MINAR1: variants seen among roughly 807,000 people sequenced by gnomAD.
MINAR1 encodes the protein major intrinsically disordered Notch2-binding receptor 1.
Under a neutral mutation model 65.1 loss-of-function variants are expected in MINAR1, and 40 were observed. The ratio of observed to expected loss-of-function variants is 0.61; its 90% CI spans 0.48 to 0.80. MINAR1 has a LOEUF of 0.80. Ranked by LOEUF, MINAR1 falls within the 30% of genes least tolerant of loss-of-function variation. The probability of loss-of-function intolerance (pLI) is 0.00; values close to 1 mark genes in which losing one functional copy is unlikely to be tolerated. For synonymous variants in MINAR1, 482 were observed against 449.1 expected (o/e 1.07, Z -0.93); for missense variants, 1,128 against 1,148.0 (o/e 0.98, Z 0.25).
chr15:79,420,873 A>T, the MINAR1 span: 2 of 152,340 alleles, frequency 1.3e-5, no homozygotes, highest in African/African-American at 4.8e-5. Context: ...TTGCTCTTGC[A>T]CTAGAGTACG....
In MINAR1 at chr15:79,457,783, G is replaced by A. The variant is rs1236005622; in HGVS notation, c.1636G>A (p.Gly546Arg). Reference sequence around the variant, plus strand: ...ACAGTCGTCCTGCTACAACAGCACAGGATCCTTGTCTCAGCTCCATAAGTC... The same window carrying A: ...ACAGTCGTCCTGCTACAACAGCACAAGATCCTTGTCTCAGCTCCATAAGTC... Reference protein sequence around the residue: ...VIQSSCYNSTGSLSQLHKSDC... With the variant: ...VIQSSCYNSTRSLSQLHKSDC... Residue 546 changes from glycine (G) to arginine (R), a missense_variant, in exon 2 of 4, where the codon GGA (glycine) becomes AGA (arginine). Coordinates refer to ENST00000305428, the MANE Select transcript of MINAR1 (RefSeq NM_015206.3). 2 of 1,614,032 alleles carry A rather than the reference G, an allele frequency of 1.2e-6. No homozygotes were observed. Among genetic ancestry groups the A allele is most frequent in the East Asian group, 2.2e-5 (1 of 44,890 alleles).
chr15:79,445,086 T>C (rs1894977482), intron 1 of MINAR1, among the ~76,000 whole-genome samples: 1 of 152,082 alleles, frequency 6.6e-6, no homozygotes, highest in Admixed American at 6.5e-5. Context: ...ATGTTCAGGA[T>C]TATTTTCCTG....
chr15:79,442,900 TTTTG>T (rs2141281641), intron 1 of MINAR1, among the ~76,000 whole-genome samples: 1 of 152,250 alleles, frequency 6.6e-6, no homozygotes, highest in South Asian at 2.1e-4. Context: ...AGTGTTTGTT[TTTTG>T]TTTGTTTTTA....
At chr15:79,461,197 A>C (rs1281364598) in intron 2 of MINAR1, among the ~76,000 whole-genome samples, 3 of 152,260 alleles carry the variant, frequency 2.0e-5, no homozygotes, top group Non-Finnish European at 4.4e-5. Context: ...CATGGGCAGC[A>C]ATGAAACTTT....
intron 2 of MINAR1, 105 bp from the exon 3 acceptor site, chr15:79,462,962 T>C: frequency 2.3e-6 from 3 of 1,304,114 alleles, no homozygotes; most frequent in Non-Finnish European, 3.2e-6. Context: ...GTAACTGCAC[T>C]TTGCTACCTG....
chr15:79,445,172 A>T (rs952835542), intron 1 of MINAR1, among the ~76,000 whole-genome samples: 1 of 151,936 alleles, frequency 6.6e-6, no homozygotes, highest in Admixed American at 6.5e-5. Context: ...TATCTTTATT[A>T]TTTATGTTAA....
At chr15:79,431,717 C>T (rs1022290286), upstream of MINAR1, among the ~76,000 whole-genome samples, 1 of 152,244 alleles carries the variant, frequency 6.6e-6, no homozygotes, top group East Asian at 1.9e-4. Context: ...CTGCTTGCCA[C>T]TGGGGGCCGC....
chr15:79,446,669 A>G (rs1895031050), intron 1 of MINAR1, among the ~76,000 whole-genome samples: 1 of 151,918 alleles, frequency 6.6e-6, no homozygotes, highest in Non-Finnish European at 1.5e-5. Context: ...TCTAAGGGTG[A>G]GTTCATTATT....
intron 3 of MINAR1, among the ~76,000 whole-genome samples, chr15:79,466,668 A>G (rs1750768738): frequency 6.6e-6 from 1 of 152,252 alleles, no homozygotes; most frequent in Non-Finnish European, 1.5e-5. Context: ...TATGAGCAAC[A>G]GGTAGATAAT....
In MINAR1 at chr15:79,458,387, A is replaced by G; in HGVS notation, c.2240A>G (p.Glu747Gly). 2 of 1,614,198 alleles carry G rather than the reference A, an allele frequency of 1.2e-6. No individual in the cohort carries two copies. Among genetic ancestry groups the G allele is most frequent in the Non-Finnish European group, 1.7e-6 (2 of 1,180,024 alleles). The change falls in exon 2 of 4, where the codon GAG becomes GGG. Residue 747 changes from glutamate to glycine, a missense_variant. Transcript: ENST00000305428. Reference sequence around the variant, plus strand: ...ACCAACCGTGTGGGCCTCAATGAGGAGGAGATAAAAGACACAGGCCCAGGA... The same window carrying G: ...ACCAACCGTGTGGGCCTCAATGAGGGGGAGATAAAAGACACAGGCCCAGGA... ...TYTNRVGLNE[E>G]EIKDTGPGDN...
chr15:79,440,328 C>T (rs1894835579), intron 1 of MINAR1, among the ~76,000 whole-genome samples: 1 of 152,102 alleles, frequency 6.6e-6, no homozygotes, highest in Non-Finnish European at 1.5e-5. Flanking sequence ...CTCCATCAAC[C>T]CAAAAGATGC....
rs1359473058 is a variant in MINAR1 at position 79,471,973 on chromosome 15, A to C, written c.*3589A>C. Reference sequence around the variant, plus strand: ...AAAGGGTATTCAATATTTATTAAGTAACAATGAGAAATGCAACAAACTTCC... The same window carrying C: ...AAAGGGTATTCAATATTTATTAAGTCACAATGAGAAATGCAACAAACTTCC... On this transcript the variant is annotated 3_prime_UTR_variant, in exon 4 of 4. Transcript: ENST00000305428. The C allele has an allele frequency of 2.0e-5, 3 of 152,652 alleles. No homozygotes were observed. The highest frequency in any genetic ancestry group is 4.4e-5 in the Non-Finnish European group (3 of 68,040). 9.5% of individuals were successfully genotyped at this position (152,652 alleles called of 1,614,324 possible). A position where few individuals can be genotyped will look rare whatever the true frequency, so the allele number is the denominator to read the frequency against.
rs1378626400 is a variant in MINAR1 at position 79,463,164 on chromosome 15, C to T, written c.2396C>T (p.Pro799Leu). The change falls in exon 3 of 4, where the codon CCT (proline) becomes CTT (leucine). Residue 799 changes from proline to leucine, a missense_variant. Coordinates refer to ENST00000305428, the MANE Select transcript of MINAR1 (RefSeq NM_015206.3). ...CAGGTGTTCAGCCCTCACCCCTACC[C>T]TGCCTCCCTCAAGGCCCACATGAAG... is the stretch of plus-strand genomic sequence containing the variant. ...VEQVFSPHPYPASLKAHMKSN... is the reference protein window; with the variant it reads ...VEQVFSPHPYLASLKAHMKSN... The T allele has an allele frequency of 2.5e-6, 4 of 1,614,126 alleles. No homozygotes were observed. In the African/African-American group the frequency reaches 5.3e-5, roughly 22 times the overall value.
rs777934821 is a variant in MINAR1, at chr15:79,468,190, C to A, written c.2557C>A (p.Gln853Lys). 3 of 1,612,838 alleles carry A rather than the reference C, an allele frequency of 1.9e-6. No homozygotes were observed. Among genetic ancestry groups the A allele is most frequent in the Non-Finnish European group, 2.5e-6 (3 of 1,179,028 alleles). The change falls in exon 4 of 4, where the codon CAA (glutamine) becomes AAA (lysine). Residue 853 changes from glutamine (Q) to lysine (K), a missense_variant. Transcript: ENST00000305428. The part of the protein sequence containing the change: ...GKLTALDLQT[Q>K]ESLNPNNLEY... The stretch of plus-strand genomic sequence containing the variant: ...AACATCTTCTCTTCGCTTTTAGACG[C>A]AAGAATCTTTAAACCCAAATAATTT...
chr15:79,447,194 A>G (rs924726064), intron 1 of MINAR1, among the ~76,000 whole-genome samples: 6 of 152,110 alleles, frequency 3.9e-5, no homozygotes, highest in African/African-American at 1.4e-4. Flanking sequence ...GGCCAGTTTC[A>G]TGTCTTTTAT....
intron 1 of MINAR1, among the ~76,000 whole-genome samples, chr15:79,454,092 A>C (rs1370065009): frequency 2.0e-5 from 3 of 152,198 alleles, no homozygotes; most frequent in Non-Finnish European, 4.4e-5. Flanking sequence ...CCCCACCTTT[A>C]ACAAGCCAGA....
At chr15:79,450,155 G>A (rs2141286724) in intron 1 of MINAR1, among the ~76,000 whole-genome samples, 1 of 152,308 alleles carries the variant, frequency 6.6e-6, no homozygotes, top group East Asian at 1.9e-4. Flanking sequence ...AGCTCTACAT[G>A]TGCCTTTGAA....
chr15:79,458,156 C>G lies in MINAR1; in HGVS notation c.2009C>G (p.Ser670Cys). ...CGGATGTTCCACGCACACAGTGGCT[C>G]CCACGGACCCAAACTAGAGAACAAC... ...SPRMFHAHSG[S>C]HGPKLENNPD... The change falls in exon 2 of 4, where the codon TCC becomes TGC. Residue 670 changes from serine to cysteine, a missense_variant. By Grantham distance (112) the Ser-to-Cys change is moderately radical (BLOSUM62 -1). Transcript: ENST00000305428. 6.2e-7 allele frequency: 1 copy of G among 1,614,142 alleles called. No individual in the cohort carries two copies. Among genetic ancestry groups the G allele is most frequent in the Non-Finnish European group, 8.5e-7 (1 of 1,179,992 alleles).
chr15:79,428,570 G>A (rs1894372588), upstream of MINAR1, among the ~76,000 whole-genome samples: 1 of 139,494 alleles, frequency 7.2e-6, no homozygotes, highest in Admixed American at 7.8e-5. Context: ...GCCATTTTCA[G>A]TCACAAACTT....
Sources: allele counts gnomAD v4.1 joint callset (sites outside exome capture counted in the v4.1 genomes callset), GRCh38; gene constraint gnomAD v4.1.1; transcripts MANE v1.5; gene names NCBI Gene and HGNC (gene_info 2026-07-23, HGNC 2026-07-21).